ZFP1: variants seen among roughly 807,000 people sequenced by gnomAD.
ZFP1 encodes zinc finger protein 1 homolog.
In ZFP1, 32 loss-of-function variants were observed where a neutral mutation model predicts 38.5. The observed-to-expected ratio is 0.83, with a 90% confidence interval of 0.63 to 1.12. The LOEUF (loss-of-function observed/expected upper bound fraction) is 1.12, where lower values mean the gene tolerates loss of function less well. Among genes scored for constraint, ZFP1 ranks in the 50% most tolerant of loss-of-function variants. The pLI, the probability that ZFP1 is intolerant of heterozygous loss-of-function variation, is 0.00. For missense variants in ZFP1, 616 were observed against 480.8 expected, an observed-to-expected ratio of 1.28 and a Z score of -2.63; for synonymous variants, 245 against 168.8, an observed-to-expected ratio of 1.45 and a Z score of -3.50.
In ZFP1 at chr16:75,152,898, C is replaced by T. The variant is rs2037278612; in HGVS notation, c.-43-11C>T. On this transcript the variant is annotated splice_polypyrimidine_tract_variant and intron_variant, in intron 1 of 3. Transcript: ENST00000570010. ...TTTAATAACAATGCCTTCCTTTTTC[C>T]TCTATTCCAGTTCTGCCTTCATAGT... 3 of 1,608,272 alleles carry T rather than the reference C, an allele frequency of 1.9e-6. No homozygotes were observed. Among genetic ancestry groups the T allele is most frequent in the African/African-American group, 1.3e-5 (1 of 74,444 alleles).
intron 2 of ZFP1, 69 bp downstream of exon 2, chr16:75,153,035 A>G (rs368852593): frequency 8.5e-5 from 135 of 1,583,966 alleles, no homozygotes; most frequent in Middle Eastern, 1.7e-4. Flanking sequence ...GATCCAGAAA[A>G]TGAAATAGAA....
chr16:75,139,152 G>C, the ZFP1 span, among the ~76,000 whole-genome samples: 1 of 151,812 alleles, frequency 6.6e-6, no homozygotes, highest in Admixed American at 6.6e-5. Context: ...GGCGGATCAC[G>C]AGGTCAGGGG....
At chr16:75,160,162 G>C (rs147651381) in intron 2 of ZFP1, among the ~76,000 whole-genome samples, 1 of 152,168 alleles carries the variant, frequency 6.6e-6, no homozygotes, top group African/African-American at 2.4e-5. Flanking sequence ...CTTCTGTAGC[G>C]CCATCATCCT....
chr16:75,120,507 T>G, the ZFP1 span, among the ~76,000 whole-genome samples: 9 of 149,508 alleles, frequency 6.0e-5, no homozygotes, highest in South Asian at 2.1e-4. Context: ...CTGTTTGTGG[T>G]TTTTTTTTGG....
At chr16:75,124,407 T>G in the ZFP1 span, among the ~76,000 whole-genome samples, 1 of 150,126 alleles carries the variant, frequency 6.7e-6, no homozygotes, top group Non-Finnish European at 1.5e-5. Flanking sequence ...TGATCTGCCC[T>G]CCTCAGCCTC....
intron 1 of ZFP1, among the ~76,000 whole-genome samples, chr16:75,150,303 G>T (rs2037129628): frequency 6.6e-6 from 1 of 150,564 alleles, no homozygotes; most frequent in Non-Finnish European, 1.5e-5. Flanking sequence ...CCGCCTACCA[G>T]GTTCACACCA....
chr16:75,141,195 C>CTTTTTTT, the ZFP1 span, among the ~76,000 whole-genome samples: 4 of 67,902 alleles, frequency 5.9e-5, no homozygotes, highest in Admixed American at 2.2e-4. Context: ...TTGGGTCATT[C>CTTTTTTT]TTTTTTTTTT....
At chr16:75,165,591 C>T (rs1374052571) in intron 2 of ZFP1, among the ~76,000 whole-genome samples, 3 of 152,128 alleles carry the variant, frequency 2.0e-5, no homozygotes, top group African/African-American at 7.2e-5. Flanking sequence ...GATGGGGTTT[C>T]ACCATCTTTG....
chr16:75,138,753 A>G, the ZFP1 span, among the ~76,000 whole-genome samples: 1 of 152,242 alleles, frequency 6.6e-6, no homozygotes, highest in Non-Finnish European at 1.5e-5. Context: ...CCTGGAAGGC[A>G]GGAAGAAGCA....
chr16:75,139,385 A>AAACAAAAC, the ZFP1 span, among the ~76,000 whole-genome samples: 26 of 146,834 alleles, frequency 1.8e-4, no homozygotes, highest in African/African-American at 6.9e-4. Flanking sequence ...AAAAAAAAAA[A>AAACAAAAC]AAAAAAAAAA....
chr16:75,155,162 G>A (rs555580972), intron 2 of ZFP1, among the ~76,000 whole-genome samples: 73 of 152,224 alleles, frequency 4.8e-4, no homozygotes, highest in Admixed American at 4.3e-3. Flanking sequence ...ACAGGGTCTC[G>A]CTCTGTCACC....
chr16:75,140,773 C>G, the ZFP1 span, among the ~76,000 whole-genome samples: 3 of 152,176 alleles, frequency 2.0e-5, no homozygotes, highest in Non-Finnish European at 4.4e-5. Context: ...TCCTGGCTAA[C>G]GCGGTGAAAC....
chr16:75,136,264 C>T, the ZFP1 span, among the ~76,000 whole-genome samples: 5 of 152,170 alleles, frequency 3.3e-5, no homozygotes, highest in African/African-American at 1.2e-4. Flanking sequence ...ACATAAGTAA[C>T]TTTGGAACTG....
At chr16:75,127,584 G>T in the ZFP1 span, among the ~76,000 whole-genome samples, 1 of 152,078 alleles carries the variant, frequency 6.6e-6, no homozygotes, top group African/African-American at 2.4e-5. Context: ...GCCTCCCAAA[G>T]TGCTGAAATT....
upstream of ZFP1, among the ~76,000 whole-genome samples, chr16:75,144,524 A>G (rs751711933): frequency 6.6e-6 from 1 of 152,232 alleles, no homozygotes; most frequent in Non-Finnish European, 1.5e-5. Flanking sequence ...ACATCTTTCC[A>G]TAAGATTATA....
chr16:75,164,605 A>G (rs2037962516), intron 2 of ZFP1, among the ~76,000 whole-genome samples: 2 of 152,018 alleles, frequency 1.3e-5, no homozygotes, highest in Admixed American at 6.6e-5. Context: ...CTTGACATCT[A>G]TTATGTACTA....
chr16:75,161,772 A>ATATATATATATATATTT lies in ZFP1; in HGVS notation c.16-4995_16-4994insATATATATATATTTTAT, dbSNP rs1567533028. Among the ~76,000 whole-genome samples the ATATATATATATATATTT allele has an allele frequency of 6.9e-3, 50 of 7,246 alleles. 4 individuals carry two copies. The highest frequency in any genetic ancestry group is 0.019 in the African/African-American group (50 of 2,672). The allele number at this position is 7,246 out of a possible 152,430, so 4.8% of individuals were successfully genotyped here. A position where few individuals can be genotyped will look rare whatever the true frequency, so the allele number is the denominator to read the frequency against. The stretch of plus-strand genomic sequence containing the variant: ...AGTTTTATGAAATATATATATATAT[A>ATATATATATATATATTT]TATTTTTTTTTTTTTTTTTTTTTTT... On this transcript the variant is annotated intron_variant, in intron 2 of 3. Transcript: ENST00000570010.
In ZFP1 at chr16:75,172,211, A is replaced by G. The variant is rs913540865; in HGVS notation, c.*1877A>G. On this transcript the variant is annotated 3_prime_UTR_variant, in exon 4 of 4. Coordinates refer to ENST00000570010, the MANE Select transcript of ZFP1 (RefSeq NM_153688.4). ...TGTATGTGTGTGTGTAGCAGTTTTTATAAAATAAAGATAAACCCTTATATA... is the reference window on the plus strand; with the variant it reads ...TGTATGTGTGTGTGTAGCAGTTTTTGTAAAATAAAGATAAACCCTTATATA... 2 of 152,230 alleles carry G rather than the reference A, an allele frequency of 1.3e-5. No homozygotes were observed. The highest frequency in any genetic ancestry group is 2.4e-5 in the African/African-American group (1 of 41,468). 9.4% of individuals were successfully genotyped at this position (152,230 alleles called of 1,614,324 possible). A position where few individuals can be genotyped will look rare whatever the true frequency, so the allele number is the denominator to read the frequency against.
chr16:75,157,589 A>T (rs991363361), intron 2 of ZFP1, among the ~76,000 whole-genome samples: 1 of 151,962 alleles, frequency 6.6e-6, no homozygotes, highest in Non-Finnish European at 1.5e-5. Flanking sequence ...ATGAATGTGG[A>T]TTTGTCCATT....
Sources: gnomAD v4.1 joint callset for allele counts (sites outside exome capture counted in the v4.1 genomes callset) on GRCh38, gnomAD v4.1.1 for gene constraint, MANE v1.5 for transcripts, NCBI Gene and HGNC (gene_info 2026-07-23, HGNC 2026-07-21) for gene names.